The following SLC30A8 variants were observed in gnomAD, a reference collection of about 807,000 sequenced individuals.
SLC30A8 encodes proton-coupled zinc antiporter SLC30A8.
SLC30A8 carries 27 observed loss-of-function variants against 36.9 expected under a neutral mutation model. That is an observed-to-expected ratio of 0.73 (90% CI 0.54 to 1.01). The LOEUF (loss-of-function observed/expected upper bound fraction) is 1.01, where lower values mean the gene tolerates loss of function less well. Among genes scored for constraint, SLC30A8 ranks in the 50% least tolerant of loss-of-function variants. The pLI is 0.00. For synonymous variants in SLC30A8, 164 were observed against 172.4 expected (o/e 0.95, Z 0.38); for missense variants, 439 against 452.0 (o/e 0.97, Z 0.26).
chr8:117,085,820 G>T (rs890598440), intron 2 of SLC30A8, among the ~76,000 whole-genome samples: 2 of 152,154 alleles, frequency 1.3e-5, no homozygotes, highest in Non-Finnish European at 2.9e-5. Context: ...AACTAGGGTA[G>T]TCTGATTCCA....
chr8:117,138,123 G>A (rs980884836), intron 1 of SLC30A8, among the ~76,000 whole-genome samples: 12 of 142,570 alleles, frequency 8.4e-5, no homozygotes, highest in Non-Finnish European at 1.4e-4. Context: ...ACTACAACAC[G>A]AAAAACAATC....
Position 116,961,803 on chromosome 8 carries a change from C to T in SLC30A8, c.-266+10684C>T, listed in dbSNP as rs1237331731. Among the ~76,000 whole-genome samples the T allele has an allele frequency of 5.3e-5, 8 of 151,822 alleles. No homozygotes were observed. In the Middle Eastern group the frequency reaches 0.01, roughly 194 times the overall value. On this transcript the variant is annotated intron_variant, in intron 1 of 10. Transcript: ENST00000427715. Reference sequence around the variant, plus strand: ...ACTTCCATGAGCCCTTTTTTTGTGTCGCTCAGACTAGAGTGTAGTGGTACA... The same window carrying T: ...ACTTCCATGAGCCCTTTTTTTGTGTTGCTCAGACTAGAGTGTAGTGGTACA...
chr8:116,998,076 C>CTTGAA (rs1815880856), intron 1 of SLC30A8, among the ~76,000 whole-genome samples: 1 of 152,042 alleles, frequency 6.6e-6, no homozygotes, highest in Admixed American at 6.5e-5. Flanking sequence ...TTTTATTTGA[C>CTTGAA]TTATTCAGCA....
At chr8:116,965,365 T>C (rs776931667) in intron 1 of SLC30A8, among the ~76,000 whole-genome samples, 2 of 152,188 alleles carry the variant, frequency 1.3e-5, no homozygotes, top group Non-Finnish European at 2.9e-5. Context: ...AATATACCAG[T>C]TACCTTCTCA....
At chr8:116,977,376 A>G (rs1815082142) in intron 1 of SLC30A8, among the ~76,000 whole-genome samples, 1 of 146,154 alleles carries the variant, frequency 6.8e-6, no homozygotes, top group Non-Finnish European at 1.5e-5. Context: ...GATGGTATTG[A>G]TCTCCTGACC....
intron 1 of SLC30A8, among the ~76,000 whole-genome samples, chr8:117,020,363 A>C (rs1009432899): frequency 6.6e-6 from 1 of 152,240 alleles, no homozygotes; most frequent in South Asian, 2.1e-4. Flanking sequence ...AAACATTGAA[A>C]TTATGGTAAT....
chr8:116,955,075 T>C (rs1410073653), intron 1 of SLC30A8, among the ~76,000 whole-genome samples: 6 of 152,218 alleles, frequency 3.9e-5, no homozygotes, highest in Non-Finnish European at 8.8e-5. Context: ...TTCAAGGTTG[T>C]GTGCCTACAG....
intron 2 of SLC30A8, among the ~76,000 whole-genome samples, chr8:117,096,712 T>A (rs917665872): frequency 6.6e-6 from 1 of 152,138 alleles, no homozygotes; most frequent in African/African-American, 2.4e-5. Context: ...TTATTATAAG[T>A]GAAAAGTCAT....
chr8:117,141,312 A>G (rs191765669), intron 1 of SLC30A8, among the ~76,000 whole-genome samples: 58 of 152,276 alleles, frequency 3.8e-4, no homozygotes, highest in Non-Finnish European at 6.6e-4. Context: ...AACATATAAA[A>G]TTACGAACAA....
chr8:117,171,835 T>TA (rs1273800575), intron 7 of SLC30A8, among the ~76,000 whole-genome samples: 1 of 152,126 alleles, frequency 6.6e-6, no homozygotes, highest in Non-Finnish European at 1.5e-5. Context: ...ATTAGGCTGC[T>TA]AAAAAATGAC....
Position 116,988,972 on chromosome 8 carries a change from A to G in SLC30A8, c.-266+37853A>G, listed in dbSNP as rs74519504. On this transcript the variant is annotated intron_variant, in intron 1 of 10. Coordinates refer to the SLC30A8 transcript ENST00000427715. ...GTATAAATTCCTCAAGGGCACTAAT[A>G]CTATGCTATGAACCTCTGTGGTCCC... 2.3e-3 allele frequency among the ~76,000 whole-genome samples: 349 copies of G among 152,326 alleles called. 1 individual carries two copies. Among genetic ancestry groups the G allele is most frequent in the African/African-American group, 8.1e-3 (337 of 41,594 alleles).
intron 2 of SLC30A8, among the ~76,000 whole-genome samples, chr8:117,086,035 C>T (rs532478043): frequency 2.0e-5 from 3 of 152,236 alleles, no homozygotes; most frequent in African/African-American, 7.2e-5. Flanking sequence ...GGTCATGGCT[C>T]TTTTGAAAAT....
intron 3 of SLC30A8, among the ~76,000 whole-genome samples, chr8:117,153,989 A>C (rs1181895594): frequency 6.6e-6 from 1 of 152,190 alleles, no homozygotes; most frequent in Non-Finnish European, 1.5e-5. Flanking sequence ...ACATGTATGC[A>C]CTAAAACAGA....
chr8:116,987,528 C>G (rs1205375425), intron 1 of SLC30A8, among the ~76,000 whole-genome samples: 1 of 151,890 alleles, frequency 6.6e-6, no homozygotes, highest in African/African-American at 2.4e-5. Context: ...TCTGTTAAGT[C>G]TCTATATTCT....
rs1267703764 is a variant in SLC30A8, at chr8:117,005,856, G to T, written c.-265-33363G>T. ...TGAAACTGAGCCTCCAACAGATTTTGCCATTTCACTTGGCAATAGATTTAC... is the reference window on the plus strand; with the variant it reads ...TGAAACTGAGCCTCCAACAGATTTTTCCATTTCACTTGGCAATAGATTTAC... On this transcript the variant is annotated intron_variant, in intron 1 of 10. Coordinates refer to the SLC30A8 transcript ENST00000427715. Among the ~76,000 whole-genome samples, 3 of 152,146 alleles carry T rather than the reference G, an allele frequency of 2.0e-5. No individual in the cohort carries two copies. The East Asian group carries it at 5.8e-4, about 29-fold the overall frequency.
chr8:117,062,581 T>C (rs980437695), intron 2 of SLC30A8, among the ~76,000 whole-genome samples: 3 of 152,280 alleles, frequency 2.0e-5, no homozygotes, highest in South Asian at 2.1e-4. Flanking sequence ...ACCTCAAATA[T>C]TGGGGATTAC....
chr8:117,075,123 A>G (rs1818450647), intron 2 of SLC30A8, among the ~76,000 whole-genome samples: 1 of 152,206 alleles, frequency 6.6e-6, no homozygotes, highest in Non-Finnish European at 1.5e-5. Flanking sequence ...TATAACTAAT[A>G]TAATCTAGCA....
chr8:117,090,460 A>T (rs1433789903), intron 2 of SLC30A8, among the ~76,000 whole-genome samples: 1 of 152,170 alleles, frequency 6.6e-6, no homozygotes, highest in Non-Finnish European at 1.5e-5. Context: ...TGTATTTCTC[A>T]CAGTTCTGGA....
At chr8:117,065,190 C>T (rs536381397) in intron 2 of SLC30A8, among the ~76,000 whole-genome samples, 12 of 152,110 alleles carry the variant, frequency 7.9e-5, no homozygotes, top group South Asian at 2.1e-4. Context: ...GTGAGAAAGA[C>T]GACCTGAACA....
Sources: gnomAD v4.1 joint callset for allele counts (sites outside exome capture counted in the v4.1 genomes callset) on GRCh38, gnomAD v4.1.1 for gene constraint, MANE v1.5 for transcripts, NCBI Gene and HGNC (gene_info 2026-07-23, HGNC 2026-07-21) for gene names.